BTG4: variants seen among roughly 807,000 people sequenced by gnomAD.
The protein encoded by BTG4 is BTG anti-proliferation factor 4.
A neutral mutation model predicts 19.3 loss-of-function variants in BTG4; 10 were observed. The ratio of observed to expected loss-of-function variants is 0.52; its 90% CI spans 0.32 to 0.88. The LOEUF (loss-of-function observed/expected upper bound fraction) is 0.88, where lower values mean the gene tolerates loss of function less well. Ranked by LOEUF, BTG4 falls within the 40% of genes least tolerant of loss-of-function variation. The pLI is 0.04. For missense variants in BTG4, 238 were observed against 281.9 expected (o/e 0.84, Z 1.11); for synonymous variants, 91 against 95.7 (o/e 0.95, Z 0.29).
At chr11:111,456,515 C>T in the BTG4 span, 2 of 456,500 alleles carry the variant, frequency 4.4e-6, no homozygotes, top group Non-Finnish European at 8.8e-6. The surrounding 1 kb of genome is among the most constrained non-coding windows in gnomAD (Gnocchi z 4.2). Context: ...TTTCCTGCAG[C>T]CCCAGCAGGC....
chr11:111,392,169 C>CTTTTTTTTTTTTT, the BTG4 span, among the ~76,000 whole-genome samples: 17 of 85,450 alleles, frequency 2.0e-4, 2 homozygotes, highest in Non-Finnish European at 2.1e-4. Context: ...CTGTGATTTT[C>CTTTTTTTTTTTTT]TTTTTTTTTT....
chr11:111,459,157 G>A, the BTG4 span, among the ~76,000 whole-genome samples: 6 of 152,068 alleles, frequency 3.9e-5, no homozygotes, highest in African/African-American at 7.2e-5. Context: ...CGGGAGAATC[G>A]CTTGAATCCA....
the BTG4 span, among the ~76,000 whole-genome samples, chr11:111,390,641 T>G: frequency 6.6e-6 from 1 of 152,146 alleles, no homozygotes; most frequent in Non-Finnish European, 1.5e-5. Flanking sequence ...AGCCCTAAGC[T>G]CAGTCACACC....
At chr11:111,410,095 C>G in the BTG4 span, among the ~76,000 whole-genome samples, 1 of 152,096 alleles carries the variant, frequency 6.6e-6, no homozygotes, top group South Asian at 2.1e-4. Flanking sequence ...TGTTACTAAC[C>G]TGCAATAGGC....
the BTG4 span, chr11:111,434,998 C>A: frequency 1.8e-4 from 28 of 152,498 alleles, 1 homozygote; most frequent in South Asian, 5.8e-3. Flanking sequence ...TCACCTGGCC[C>A]TGGGACTCTC....
the BTG4 span, among the ~76,000 whole-genome samples, chr11:111,431,303 G>A: frequency 6.6e-6 from 1 of 152,150 alleles, no homozygotes; most frequent in Non-Finnish European, 1.5e-5. Context: ...AGCCCTTGAT[G>A]TGTCAGGCAC....
At chr11:111,449,778 G>A in the BTG4 span, 7 of 152,288 alleles carry the variant, frequency 4.6e-5, no homozygotes, top group African/African-American at 1.7e-4. Flanking sequence ...CTGTGCTGGG[G>A]ACAACAGTCA....
At chr11:111,481,026 G>T (rs1432267916) in intron 5 of BTG4, among the ~76,000 whole-genome samples, 1 of 151,730 alleles carries the variant, frequency 6.6e-6, no homozygotes, top group African/African-American at 2.4e-5. Context: ...CAATAAAATT[G>T]ACAACCCTCT....
chr11:111,432,307 A>G, the BTG4 span, among the ~76,000 whole-genome samples: 1 of 152,094 alleles, frequency 6.6e-6, no homozygotes, highest in Admixed American at 6.5e-5. Context: ...CCAAACAAAC[A>G]CACAGCAAGC....
chr11:111,499,895 A>G (rs750987772), intron 1 of BTG4, among the ~76,000 whole-genome samples: 1 of 151,958 alleles, frequency 6.6e-6, no homozygotes, highest in Non-Finnish European at 1.5e-5. Flanking sequence ...TAATCCCAAC[A>G]CTTTGGAAGG....
intron 1 of BTG4, among the ~76,000 whole-genome samples, chr11:111,511,401 A>G (rs1360137612): frequency 6.6e-6 from 1 of 152,254 alleles, no homozygotes; most frequent in Non-Finnish European, 1.5e-5. Flanking sequence ...TGAATGATCC[A>G]GATGACCTGC....
the BTG4 span, among the ~76,000 whole-genome samples, chr11:111,437,179 C>T: frequency 2.0e-5 from 3 of 152,010 alleles, no homozygotes; most frequent in South Asian, 2.1e-4. Flanking sequence ...GCACAGGACA[C>T]GGTGTTCCAA....
chr11:111,511,737 T>C (rs940756412), intron 1 of BTG4, among the ~76,000 whole-genome samples: 1 of 152,180 alleles, frequency 6.6e-6, no homozygotes, highest in African/African-American at 2.4e-5. Context: ...CACAAGATAC[T>C]GTTTTTCTGG....
At chr11:111,455,612 C>T in the BTG4 span, 1 of 300,118 alleles carries the variant, frequency 3.3e-6, no homozygotes, top group South Asian at 2.8e-5. Flanking sequence ...CTGGGCAGAA[C>T]CCAGAAAAGT....
chr11:111,395,735 C>G, the BTG4 span, among the ~76,000 whole-genome samples: 1 of 152,180 alleles, frequency 6.6e-6, no homozygotes, highest in Non-Finnish European at 1.5e-5. Flanking sequence ...GGGGTCTTCC[C>G]ACTCCTTTGG....
downstream of BTG4, among the ~76,000 whole-genome samples, chr11:111,494,349 T>C (rs1360678293): frequency 6.6e-6 from 1 of 152,118 alleles, no homozygotes; most frequent in African/African-American, 2.4e-5. Context: ...GTCAACAAGG[T>C]TGTGGGAATT....
At chr11:111,436,335 G>C in the BTG4 span, among the ~76,000 whole-genome samples, 1 of 152,292 alleles carries the variant, frequency 6.6e-6, no homozygotes, top group East Asian at 1.9e-4. Context: ...GGGGACTTTT[G>C]GACAGGCACA....
intron 5 of BTG4, among the ~76,000 whole-genome samples, chr11:111,487,954 A>G (rs181925510): frequency 2.0e-5 from 3 of 152,314 alleles, no homozygotes; most frequent in Admixed American, 6.5e-5. Flanking sequence ...AAAGAAATTG[A>G]AGAGCACACA....
chr11:111,501,063 A>T (rs1232900756), intron 1 of BTG4, among the ~76,000 whole-genome samples: 3 of 151,002 alleles, frequency 2.0e-5, no homozygotes, highest in African/African-American at 7.3e-5. Flanking sequence ...ATTATACTAG[A>T]TAACAGTAAA....
Sources: allele counts gnomAD v4.1 joint callset (sites outside exome capture counted in the v4.1 genomes callset), GRCh38; gene constraint gnomAD v4.1.1; non-coding constraint Gnocchi (gnomAD v3.1); transcripts MANE v1.5; gene names NCBI Gene and HGNC (gene_info 2026-07-23, HGNC 2026-07-21).